POR: variants seen among roughly 807,000 people sequenced by gnomAD.
The protein encoded by POR is NADPH--cytochrome P450 reductase.
In POR, 56 loss-of-function variants were observed where a neutral mutation model predicts 84.0. The observed-to-expected ratio is 0.67, with a 90% CI of 0.54 to 0.83. The LOEUF (loss-of-function observed/expected upper bound fraction) is 0.83. Ranked by LOEUF, POR falls within the 40% of genes least tolerant of loss-of-function variation. The pLI is 0.00. For synonymous variants in POR, 414 were observed against 400.5 expected (o/e 1.03, Z -0.40); for missense variants, 938 against 944.3 (o/e 0.99, Z 0.09).
At chr7:75,977,135 G>A (rs1349812894) in intron 3 of POR, among the ~76,000 whole-genome samples, 1 of 152,192 alleles carries the variant, frequency 6.6e-6, no homozygotes, top group Non-Finnish European at 1.5e-5. Flanking sequence ...TTACAGAAGT[G>A]AGCCACGGCA....
At chr7:75,980,797 T>G (rs1788974200) in intron 5 of POR, 8 of 1,329,424 alleles carry the variant, frequency 6.0e-6, no homozygotes, top group African/African-American at 2.9e-5. Flanking sequence ...GTGGGGAGGG[T>G]GGGCTGGCCC....
At chr7:75,966,646 G>A (rs41296497) in intron 2 of POR, among the ~76,000 whole-genome samples, 35,454 of 152,132 alleles carry the variant, frequency 0.23, 4,933 homozygotes, top group East Asian at 0.33. Flanking sequence ...AGGAGAAATC[G>A]AGTCCGCTGC....
intron 3 of POR, among the ~76,000 whole-genome samples, chr7:75,977,521 A>G (rs1307834325): frequency 2.0e-5 from 3 of 152,210 alleles, no homozygotes; most frequent in Admixed American, 1.3e-4. Flanking sequence ...CACGCCCGTA[A>G]TCCCAGCACT....
At chr7:75,917,417 G>A (rs561997848) in intron 1 of POR, among the ~76,000 whole-genome samples, 1 of 127,154 alleles carries the variant, frequency 7.9e-6, no homozygotes, top group South Asian at 2.6e-4. Flanking sequence ...GGAAGCTCTT[G>A]AAGTTATAGG....
At chr7:75,945,216 C>T (rs1342380102) in intron 1 of POR, 2 of 152,098 alleles carry the variant, frequency 1.3e-5, no homozygotes, top group African/African-American at 4.8e-5. Context: ...CGGAGGATCC[C>T]TCAAGCCCAG....
In POR at chr7:75,984,947, G is replaced by C; in HGVS notation, c.1237G>C (p.Gly413Arg). Residue 413 changes from glycine to arginine, a missense_variant, in exon 11 of 16, where the codon GGC becomes CGC. Physicochemically the swap from Gly to Arg is moderately radical, Grantham distance 125 (BLOSUM62 -2). Coordinates refer to ENST00000461988, the MANE Select transcript of POR (RefSeq NM_000941.3). ...GCTGCGCAAGATGGCCTCCTCCTCC[G>C]GCGAGGGCAAGGTGCGCCCCCTCAG... 1 of 1,595,270 alleles carries C rather than the reference G, an allele frequency of 6.3e-7. No homozygotes were observed. Among genetic ancestry groups the C allele is most frequent in the African/African-American group, 1.3e-5 (1 of 74,778 alleles).
At chr7:75,925,543 G>T (rs1807072359) in intron 1 of POR, among the ~76,000 whole-genome samples, 1 of 152,132 alleles carries the variant, frequency 6.6e-6, no homozygotes, top group African/African-American at 2.4e-5. Context: ...TTTTTAAAAA[G>T]TGCTTTTCCC....
At chr7:75,948,110 AG>A (rs1787259443) in intron 1 of POR, among the ~76,000 whole-genome samples, 1 of 152,142 alleles carries the variant, frequency 6.6e-6, no homozygotes, top group Non-Finnish European at 1.5e-5. Context: ...TGTCCTAAGT[AG>A]AGGGCGGTGA....
chr7:75,967,250 G>T (rs1294681948), intron 2 of POR, among the ~76,000 whole-genome samples: 2 of 152,102 alleles, frequency 1.3e-5, no homozygotes, highest in Admixed American at 6.6e-5. Flanking sequence ...TGCTGTACTG[G>T]TGTGAGCCAC....
In POR at chr7:75,963,473, G is replaced by C. The variant is rs782591452; in HGVS notation, c.189-8940G>C. Among the ~76,000 whole-genome samples the C allele has an allele frequency of 5.9e-5, 9 of 152,358 alleles. No homozygotes were observed. In the South Asian group the frequency reaches 8.3e-4, roughly 14 times the overall value. On this transcript the variant is annotated intron_variant, in intron 2 of 15. Coordinates refer to ENST00000461988, the MANE Select transcript of POR (RefSeq NM_000941.3). ...GGGGAGGTTTCTGTCACTCTGACAA[G>C]TGCTTGAAACTCCAGACATGGGCTG...
chr7:75,970,408 G>C (rs951791578), intron 2 of POR, among the ~76,000 whole-genome samples: 3 of 151,798 alleles, frequency 2.0e-5, no homozygotes, highest in African/African-American at 7.3e-5. Context: ...ACAGTGGTGA[G>C]ATCATCGCCC....
intron 1 of POR, among the ~76,000 whole-genome samples, chr7:75,950,039 T>A (rs1213393202): frequency 4.8e-5 from 7 of 144,780 alleles, no homozygotes; most frequent in African/African-American, 1.8e-4. Context: ...ATTTCTTGTA[T>A]TTTTTTTTTT....
At chr7:75,966,165 G>A (rs1788172493) in intron 2 of POR, among the ~76,000 whole-genome samples, 1 of 152,164 alleles carries the variant, frequency 6.6e-6, no homozygotes, top group Non-Finnish European at 1.5e-5. Flanking sequence ...CATGCAGTAG[G>A]CACTCAGTAA....
chr7:75,981,351 A>C (rs1585129437), intron 6 of POR, among the ~76,000 whole-genome samples, 166 bp from the exon 7 acceptor site: 1 of 152,138 alleles, frequency 6.6e-6, no homozygotes, highest in South Asian at 2.1e-4. Context: ...CGGCTTGCCC[A>C]ACTCCCTGGA....
In POR at chr7:75,942,867, C is replaced by T. The variant is rs1370222593; in HGVS notation, c.-4-11122C>T. ...ATTTTAGATTGGCCTCATTAAGAAA[C>T]ATCAAGTCTGCAGCAAAAGCTAATT... On this transcript the variant is annotated intron_variant, in intron 1 of 15. Coordinates refer to ENST00000461988, the MANE Select transcript of POR (RefSeq NM_000941.3). 2.0e-5 allele frequency among the ~76,000 whole-genome samples: 3 copies of T among 151,828 alleles called. No individual in the cohort carries two copies. In the East Asian group the frequency reaches 5.8e-4, roughly 29 times the overall value.
At chr7:75,971,303 G>C (rs887613017) in intron 2 of POR, among the ~76,000 whole-genome samples, 1 of 151,972 alleles carries the variant, frequency 6.6e-6, no homozygotes, top group Non-Finnish European at 1.5e-5. Context: ...TCATCTTCAG[G>C]TTTGTCACTT....
chr7:75,983,277 G>C, intron 8 of POR: 1 of 446,248 alleles, frequency 2.2e-6, no homozygotes, highest in Non-Finnish European at 4.0e-6. Context: ...GGAGGCAGAG[G>C]TTGCAGTGAG....
chr7:75,921,672 C>T (rs782355129), intron 1 of POR, among the ~76,000 whole-genome samples: 28 of 152,298 alleles, frequency 1.8e-4, no homozygotes, highest in Admixed American at 6.5e-4. Context: ...CTCCCTACCA[C>T]GTTCCAAGAT....
intron 1 of POR, among the ~76,000 whole-genome samples, chr7:75,930,755 C>G (rs1807372973): frequency 6.6e-6 from 1 of 152,162 alleles, no homozygotes; most frequent in South Asian, 2.1e-4. Flanking sequence ...CTCCTGACCT[C>G]AGGTGATCCG....
Sources: allele counts gnomAD v4.1 joint callset (sites outside exome capture counted in the v4.1 genomes callset), GRCh38; gene constraint gnomAD v4.1.1; transcripts MANE v1.5; gene names NCBI Gene and HGNC (gene_info 2026-07-23, HGNC 2026-07-21).